UBE2E2: variants seen among roughly 807,000 people sequenced by gnomAD.
UBE2E2 encodes ubiquitin conjugating enzyme E2 E2, also known as ubiquitin-conjugating enzyme E2 E2.
In UBE2E2, 6 loss-of-function variants were observed where a neutral mutation model predicts 24.7. The observed-to-expected ratio is 0.24, with a 90% confidence interval of 0.13 to 0.48. The LOEUF (loss-of-function observed/expected upper bound fraction) is 0.48, where lower values mean the gene tolerates loss of function less well. Ranked by LOEUF, UBE2E2 falls within the 20% of genes least tolerant of loss-of-function variation. The probability of loss-of-function intolerance (pLI) is 0.99; values close to 1 mark genes in which losing one functional copy is unlikely to be tolerated. For missense variants in UBE2E2, 169 were observed against 245.0 expected, an observed-to-expected ratio of 0.69 and a Z score of 2.07; for synonymous variants, 104 against 83.6, an observed-to-expected ratio of 1.24 and a Z score of -1.33.
At position 23,266,077 on chromosome 3, in the gene UBE2E2, T is replaced by C. The variant is rs897407509; in HGVS notation, c.227+48765T>C. Among the ~76,000 whole-genome samples, 8 of 152,316 alleles carry C rather than the reference T, an allele frequency of 5.3e-5. No individual in the cohort carries two copies. The East Asian group carries it at 1.5e-3, about 29-fold the overall frequency. The stretch of plus-strand genomic sequence containing the variant: ...GATGGGTTCCCTGAATACAGCACAC[T>C]GATGGGTCTTGACTCTGTATCCAAT... On this transcript the variant is annotated intron_variant, in intron 3 of 5. Transcript: ENST00000396703.
chr3:23,397,532 C>A (rs1697107799), intron 3 of UBE2E2, among the ~76,000 whole-genome samples: 1 of 152,218 alleles, frequency 6.6e-6, no homozygotes, highest in African/African-American at 2.4e-5. Context: ...CTTTCCCAAT[C>A]ATAACCACTT....
chr3:23,561,484 A>G lies in UBE2E2; in HGVS notation c.509-28250A>G, dbSNP rs535601156. 1.1e-3 allele frequency among the ~76,000 whole-genome samples: 172 copies of G among 152,250 alleles called. 1 individual carries two copies. Among genetic ancestry groups the G allele is most frequent in the Non-Finnish European group, 2.0e-3 (139 of 68,030 alleles). ...GTTTTGGTTACTATGGCCTTGTAGT[A>G]TAGTTTGAAGTCAGGTAGTGTGATG... On this transcript the variant is annotated intron_variant, in intron 5 of 5. Transcript: ENST00000396703.
chr3:23,319,909 C>A (rs970944464), intron 3 of UBE2E2, among the ~76,000 whole-genome samples: 2 of 152,110 alleles, frequency 1.3e-5, no homozygotes, highest in African/African-American at 4.8e-5. Flanking sequence ...TCTCTGGCAT[C>A]AAGGCTGATA....
Position 23,502,074 on chromosome 3 carries a change from G to C in UBE2E2, c.360+2334G>C, listed in dbSNP as rs151207225. Among the ~76,000 whole-genome samples the C allele has an allele frequency of 3.3e-5, 5 of 152,228 alleles. No homozygotes were observed. In the East Asian group the frequency reaches 9.6e-4, roughly 29 times the overall value. ...TTACTCGAGGGAGAAAAAACTTGGG[G>C]TGTAGTGAAGGCTATTAAGTAAAAC... On this transcript the variant is annotated intron_variant, in intron 4 of 5. Transcript: ENST00000396703.
In UBE2E2 at chr3:23,583,647, G is replaced by A. The variant is rs777760822; in HGVS notation, c.509-6087G>A. 7.2e-5 allele frequency among the ~76,000 whole-genome samples: 11 copies of A among 151,976 alleles called. No homozygotes were observed. Among genetic ancestry groups the A allele is most frequent in the Non-Finnish European group, 1.6e-4 (11 of 67,862 alleles). On this transcript the variant is annotated intron_variant, in intron 5 of 5. Coordinates refer to ENST00000396703, the MANE Select transcript of UBE2E2 (RefSeq NM_152653.4). This position sits in a 1 kb window ranked among gnomAD's most constrained non-coding sequence, Gnocchi z 4.1. ...CATTGTAAAGATCTTTCACCTCCCT[G>A]GTTAGCTGTATTTTATTTTCTTTGT...
At chr3:23,361,857 T>A (rs1233672937) in intron 3 of UBE2E2, among the ~76,000 whole-genome samples, 2 of 152,228 alleles carry the variant, frequency 1.3e-5, no homozygotes, top group African/African-American at 4.8e-5. Flanking sequence ...TTATTGGATA[T>A]TCTTTAGCCA....
chr3:23,312,984 A>C (rs983075275), intron 3 of UBE2E2, among the ~76,000 whole-genome samples: 2 of 151,998 alleles, frequency 1.3e-5, no homozygotes, highest in Admixed American at 6.6e-5. Flanking sequence ...TTGGTGGAGA[A>C]TGTTTTGAGA....
chr3:23,400,007 A>G (rs1197225096), intron 3 of UBE2E2, among the ~76,000 whole-genome samples: 1 of 152,186 alleles, frequency 6.6e-6, no homozygotes, highest in African/African-American at 2.4e-5. Context: ...ACAATACTTT[A>G]GAGCATGAAA....
At chr3:23,515,450 G>A (rs1694711777) in intron 4 of UBE2E2, among the ~76,000 whole-genome samples, 1 of 152,038 alleles carries the variant, frequency 6.6e-6, no homozygotes, top group Non-Finnish European at 1.5e-5. Flanking sequence ...TCAATAGGAA[G>A]GAGAGAGAAG....
intron 3 of UBE2E2, among the ~76,000 whole-genome samples, chr3:23,430,449 T>C (rs191998304): frequency 1.6e-3 from 248 of 152,236 alleles, no homozygotes; most frequent in African/African-American, 5.7e-3. Context: ...TTAAAGTTTT[T>C]AGAACAGTAC....
chr3:23,566,240 A>T (rs140882785), intron 5 of UBE2E2, among the ~76,000 whole-genome samples: 1 of 152,240 alleles, frequency 6.6e-6, no homozygotes, highest in Non-Finnish European at 1.5e-5. Flanking sequence ...ATTGAAAAAT[A>T]CAATTTAATA....
chr3:23,293,780 T>C (rs555250107), intron 3 of UBE2E2, among the ~76,000 whole-genome samples: 2 of 152,318 alleles, frequency 1.3e-5, no homozygotes, highest in South Asian at 2.1e-4. Context: ...GTAGGAGATA[T>C]ACTTTCATTT....
intron 4 of UBE2E2, among the ~76,000 whole-genome samples, chr3:23,516,341 A>C (rs1418568206): frequency 6.6e-6 from 1 of 152,154 alleles, no homozygotes; most frequent in Non-Finnish European, 1.5e-5. Flanking sequence ...CTTCAGTGAA[A>C]CTGCATTATA....
At chr3:23,470,582 A>G (rs559808532) in intron 3 of UBE2E2, among the ~76,000 whole-genome samples, 2 of 152,352 alleles carry the variant, frequency 1.3e-5, no homozygotes, top group African/African-American at 4.8e-5. Context: ...CATTTCTGAG[A>G]TTACTTTAAG....
At chr3:23,470,014 T>C (rs1015520799) in intron 3 of UBE2E2, among the ~76,000 whole-genome samples, 1 of 152,156 alleles carries the variant, frequency 6.6e-6, no homozygotes, top group African/African-American at 2.4e-5. Flanking sequence ...ATGTGAGTCT[T>C]TAGGTAAAGG....
chr3:23,560,227 C>G (rs1322512813), intron 5 of UBE2E2, among the ~76,000 whole-genome samples: 1 of 136,186 alleles, frequency 7.3e-6, no homozygotes, highest in East Asian at 2.5e-4. Context: ...TCCCCCCACC[C>G]CACAACAGGC....
At chr3:23,344,481 G>A (rs913744033) in intron 3 of UBE2E2, among the ~76,000 whole-genome samples, 11 of 151,634 alleles carry the variant, frequency 7.3e-5, no homozygotes, top group African/African-American at 2.2e-4. Context: ...CAGTTTTAAC[G>A]TGAGTATAAT....
intron 3 of UBE2E2, among the ~76,000 whole-genome samples, chr3:23,453,174 G>A (rs1698602957): frequency 1.3e-5 from 2 of 152,178 alleles, no homozygotes; most frequent in Admixed American, 1.3e-4. Flanking sequence ...ACTTCTGGTA[G>A]AGTATCCTAA....
At chr3:23,496,525 T>C (rs1699606486) in intron 3 of UBE2E2, among the ~76,000 whole-genome samples, 1 of 152,244 alleles carries the variant, frequency 6.6e-6, no homozygotes, top group Non-Finnish European at 1.5e-5. Context: ...TTAAGCTTTG[T>C]AGAAATAGTA....
Sources: gnomAD v4.1 joint callset for allele counts (sites outside exome capture counted in the v4.1 genomes callset) on GRCh38, gnomAD v4.1.1 for gene constraint, Gnocchi (gnomAD v3.1) non-coding constraint, MANE v1.5 for transcripts, NCBI Gene and HGNC (gene_info 2026-07-23, HGNC 2026-07-21) for gene names.